The following BMPR1B variants were observed in gnomAD, a reference collection of about 807,000 sequenced individuals.
The protein encoded by BMPR1B is bone morphogenetic protein receptor type-1B.
Under a neutral mutation model 59.1 loss-of-function variants are expected in BMPR1B, and 12 were observed. The ratio of observed to expected loss-of-function variants is 0.20; its 90% CI spans 0.13 to 0.33. BMPR1B has a LOEUF of 0.33. Among genes scored for constraint, BMPR1B ranks in the 10% least tolerant of loss-of-function variants. BMPR1B has a pLI of 1.00. For missense variants in BMPR1B, 550 were observed against 610.9 expected (o/e 0.90, Z 1.05); for synonymous variants, 237 against 207.3 (o/e 1.14, Z -1.23).
intron 2 of BMPR1B, among the ~76,000 whole-genome samples, chr4:94,891,113 A>C (rs564871491): frequency 2.0e-5 from 3 of 152,212 alleles, no homozygotes; most frequent in African/African-American, 7.2e-5. Context: ...TATATTTCTC[A>C]CAATATCCTA....
chr4:94,882,565 T>A (rs1727016007), intron 2 of BMPR1B, among the ~76,000 whole-genome samples: 1 of 152,208 alleles, frequency 6.6e-6, no homozygotes, highest in African/African-American at 2.4e-5. Context: ...CAGAGGAGAT[T>A]TTATAATCCT....
chr4:94,949,779 G>A lies in BMPR1B; in HGVS notation c.-112-46261G>A, dbSNP rs372032719. On this transcript the variant is annotated intron_variant, in intron 2 of 12. Coordinates refer to ENST00000515059, the MANE Select transcript of BMPR1B (RefSeq NM_001203.3). ...TGTGCATGTGTCTTTAAAGTAGAAT[G>A]ATGTATAATCCTTTGGGTATATACT... is the stretch of plus-strand genomic sequence containing the variant. Among the ~76,000 whole-genome samples, 27 of 152,276 alleles carry A rather than the reference G, an allele frequency of 1.8e-4. No individual in the cohort carries two copies. The South Asian group carries it at 4.1e-3, about 23-fold the overall frequency.
intron 3 of BMPR1B, chr4:95,051,920 T>G (rs2149189503): frequency 1.5e-6 from 1 of 673,160 alleles, no homozygotes; most frequent in African/African-American, 1.8e-5. Context: ...CCTGTAATTT[T>G]ACTACTTTCT....
At chr4:94,798,809 G>A (rs1047836548) in intron 1 of BMPR1B, among the ~76,000 whole-genome samples, 1 of 151,906 alleles carries the variant, frequency 6.6e-6, no homozygotes. Flanking sequence ...AATCCTGAAG[G>A]CTTCTTTTCT....
intron 3 of BMPR1B, among the ~76,000 whole-genome samples, chr4:95,049,890 A>T (rs567830508): frequency 1.3e-5 from 2 of 152,206 alleles, no homozygotes; most frequent in East Asian, 3.9e-4. Context: ...GTTCAAAATC[A>T]GAAATGGTTG....
chr4:95,087,489 G>A (rs1478956627), intron 3 of BMPR1B, among the ~76,000 whole-genome samples: 1 of 152,090 alleles, frequency 6.6e-6, no homozygotes, highest in East Asian at 1.9e-4. Flanking sequence ...CCAGAACTTT[G>A]GGAGGCCAAG....
chr4:94,897,063 G>T (rs560022847), intron 2 of BMPR1B, among the ~76,000 whole-genome samples: 93 of 152,032 alleles, frequency 6.1e-4, no homozygotes, highest in South Asian at 3.5e-3. Context: ...GTAAATATCC[G>T]CCAGTCAGAG....
intron 2 of BMPR1B, among the ~76,000 whole-genome samples, chr4:94,972,367 A>G (rs552648983): frequency 5.9e-5 from 9 of 152,272 alleles, no homozygotes; most frequent in Admixed American, 2.6e-4. Context: ...TTTGAAAAAC[A>G]TAGACACTAT....
intron 2 of BMPR1B, among the ~76,000 whole-genome samples, chr4:94,981,578 AC>A (rs1259738219): frequency 6.6e-6 from 1 of 152,110 alleles, no homozygotes; most frequent in African/African-American, 2.4e-5. Flanking sequence ...TTATTTTCTT[AC>A]AATTTAATTT....
intron 2 of BMPR1B, among the ~76,000 whole-genome samples, chr4:94,880,611 C>T (rs548116351): frequency 3.3e-5 from 5 of 151,382 alleles, no homozygotes; most frequent in African/African-American, 1.2e-4. Flanking sequence ...AGGCGTGAAT[C>T]ACTGCGCCTG....
At chr4:95,123,380 A>G (rs1483069030) in intron 6 of BMPR1B, among the ~76,000 whole-genome samples, 1 of 152,178 alleles carries the variant, frequency 6.6e-6, no homozygotes, top group Non-Finnish European at 1.5e-5. Flanking sequence ...TTTATGTCCC[A>G]TGAATTATAT....
At chr4:94,962,826 GATAT>G (rs892881288) in intron 2 of BMPR1B, among the ~76,000 whole-genome samples, 1 of 152,088 alleles carries the variant, frequency 6.6e-6, no homozygotes, top group African/African-American at 2.4e-5. Context: ...TTTTATTTTG[GATAT>G]ATACCCAGCA....
At chr4:94,918,916 T>G (rs182742493) in intron 2 of BMPR1B, among the ~76,000 whole-genome samples, 1 of 152,252 alleles carries the variant, frequency 6.6e-6, no homozygotes, top group Non-Finnish European at 1.5e-5. Context: ...TTTATTTATT[T>G]ATTTATTTTT....
At chr4:94,852,173 T>C (rs1009529417) in intron 1 of BMPR1B, among the ~76,000 whole-genome samples, 2 of 152,160 alleles carry the variant, frequency 1.3e-5, no homozygotes, top group Admixed American at 6.6e-5. Flanking sequence ...GGAGGTACAG[T>C]ATTCAGCTGG....
intron 1 of BMPR1B, among the ~76,000 whole-genome samples, chr4:94,784,170 G>T (rs566206624): frequency 2.5e-4 from 38 of 152,196 alleles, no homozygotes; most frequent in African/African-American, 8.7e-4. Context: ...GGAGAGGGTA[G>T]GTCTGTGGAG....
In BMPR1B at chr4:95,153,848, TAAAC is replaced by T. The variant is rs563602354; in HGVS notation, c.1384-693_1384-690del. On this transcript the variant is annotated intron_variant, in intron 12 of 12. Transcript: ENST00000515059. Reference sequence around the variant, plus strand: ...GACCGAGACCCTGTCTTAAAACAAATAAACAAACAACAACAAAAACAAAAACACC... The same window carrying T: ...GACCGAGACCCTGTCTTAAAACAAATAAACAACAACAAAAACAAAAACACC... Among the ~76,000 whole-genome samples, 447 of 152,228 alleles carry T rather than the reference TAAAC, an allele frequency of 2.9e-3. 3 individuals carry two copies. The highest frequency in any genetic ancestry group is 4.7e-3 in the Non-Finnish European group (322 of 68,008).
At chr4:95,097,011 T>C (rs1245948050) in intron 3 of BMPR1B, among the ~76,000 whole-genome samples, 1 of 145,066 alleles carries the variant, frequency 6.9e-6, no homozygotes, top group Admixed American at 7.0e-5. Flanking sequence ...ATATAAATTG[T>C]ATATTATATA....
chr4:94,798,129 C>A (rs1396999640), intron 1 of BMPR1B, among the ~76,000 whole-genome samples: 1 of 152,186 alleles, frequency 6.6e-6, no homozygotes, highest in Non-Finnish European at 1.5e-5. Context: ...CAACTAGGAT[C>A]AAATTTAATG....
intron 2 of BMPR1B, among the ~76,000 whole-genome samples, chr4:94,886,734 A>G (rs1727184292): frequency 6.6e-6 from 1 of 152,194 alleles, no homozygotes; most frequent in Non-Finnish European, 1.5e-5. Flanking sequence ...AATAACTGTA[A>G]GTTCTGCAGT....
Sources: gnomAD v4.1 joint callset for allele counts (sites outside exome capture counted in the v4.1 genomes callset) on GRCh38, gnomAD v4.1.1 for gene constraint, MANE v1.5 for transcripts, NCBI Gene and HGNC (gene_info 2026-07-23, HGNC 2026-07-21) for gene names.